The following GOLM2 variants were observed in gnomAD, a reference collection of about 807,000 sequenced individuals.
GOLM2 encodes protein GOLM2.
GOLM2 carries 26 observed loss-of-function variants against 55.9 expected under a neutral mutation model. The ratio of observed to expected loss-of-function variants is 0.47; its 90% CI spans 0.34 to 0.65. The LOEUF (loss-of-function observed/expected upper bound fraction) is 0.65, where lower values mean the gene tolerates loss of function less well. Among genes scored for constraint, GOLM2 ranks in the 30% least tolerant of loss-of-function variants. The pLI is 0.01. For synonymous variants in GOLM2, 165 were observed against 194.6 expected (o/e 0.85, Z 1.27); for missense variants, 486 against 531.8 (o/e 0.91, Z 0.85).
chr15:44,334,970 G>T (rs1040105952), intron 4 of GOLM2, among the ~76,000 whole-genome samples: 1 of 152,186 alleles, frequency 6.6e-6, no homozygotes, highest in Admixed American at 6.5e-5. Flanking sequence ...TATGGGGGTT[G>T]CAGTGAGCCA....
At chr15:44,335,345 A>T (rs2079049626) in intron 4 of GOLM2, among the ~76,000 whole-genome samples, 1 of 152,196 alleles carries the variant, frequency 6.6e-6, no homozygotes, top group Non-Finnish European at 1.5e-5. Context: ...CACAAACATT[A>T]CATCTAGAAA....
At chr15:44,342,241 TG>T (rs1454563569) in intron 6 of GOLM2, among the ~76,000 whole-genome samples, 4 of 151,552 alleles carry the variant, frequency 2.6e-5, no homozygotes, top group Non-Finnish European at 4.4e-5. Flanking sequence ...TCCTCTGGAT[TG>T]TTTTTTTTTT....
At position 44,414,876 on chromosome 15, in the gene GOLM2, G is replaced by A. The variant is rs747735133; in HGVS notation, c.*1470G>A. 6.6e-6 allele frequency: 1 copy of A among 152,600 alleles called. No homozygotes were observed. Among genetic ancestry groups the A allele is most frequent in the Non-Finnish European group, 1.5e-5 (1 of 68,038 alleles). The allele number at this position is 152,600 out of a possible 1,614,324, so 9.5% of individuals were successfully genotyped here. On this transcript the variant is annotated 3_prime_UTR_variant, in exon 10 of 10. Transcript: ENST00000299957. ...TTTTTGACACTATTCAGTGGAATGT[G>A]TAAGCTAGCTAATTCTTGTTTTCTG...
chr15:44,382,616 T>A (rs1006216029), intron 8 of GOLM2, among the ~76,000 whole-genome samples: 7 of 152,172 alleles, frequency 4.6e-5, no homozygotes, highest in Non-Finnish European at 8.8e-5. Flanking sequence ...CATGAACTAC[T>A]GCTCCCGGCC....
At chr15:44,380,389 C>CT (rs1469693031) in intron 7 of GOLM2, among the ~76,000 whole-genome samples, 2 of 152,082 alleles carry the variant, frequency 1.3e-5, no homozygotes, top group African/African-American at 4.8e-5. Flanking sequence ...AGAGTCAACA[C>CT]TTGTGAGTCA....
At chr15:44,411,373 C>T (rs1021299126) in intron 9 of GOLM2, among the ~76,000 whole-genome samples, 7 of 151,928 alleles carry the variant, frequency 4.6e-5, no homozygotes, top group Non-Finnish European at 1.0e-4. Context: ...ACCTCTCATA[C>T]CTAAAGTAAT....
intron 8 of GOLM2, among the ~76,000 whole-genome samples, chr15:44,393,800 T>A (rs970143349): frequency 6.6e-6 from 1 of 152,080 alleles, no homozygotes; most frequent in Non-Finnish European, 1.5e-5. Context: ...CAAATGATTC[T>A]CCTCCCTCAG....
intron 9 of GOLM2, chr15:44,409,640 G>A (rs1327071371): frequency 7.6e-6 from 1 of 131,848 alleles, no homozygotes; most frequent in African/African-American, 2.8e-5. Context: ...TGGGCGCTGT[G>A]CCTCACGCCT....
intron 8 of GOLM2, among the ~76,000 whole-genome samples, chr15:44,381,900 G>A (rs564223973): frequency 2.0e-5 from 3 of 152,132 alleles, no homozygotes; most frequent in Admixed American, 6.6e-5. Context: ...TGATCCTCCC[G>A]CCTTAGCCTC....
rs928733091 is a variant in GOLM2, at chr15:44,322,883, T to A, written c.328-82T>A. On this transcript the variant is annotated intron_variant, in intron 1 of 9. Coordinates refer to ENST00000299957, the MANE Select transcript of GOLM2 (RefSeq NM_138423.4). The stretch of plus-strand genomic sequence containing the variant: ...CAGAGTTTTTTGTTTGCATTTATGA[T>A]CAAGCTCAAAGTGAATATGAACCAA... 3 of 902,250 alleles carry A rather than the reference T, an allele frequency of 3.3e-6. No individual in the cohort carries two copies. The South Asian group carries it at 5.1e-5, about 15-fold the overall frequency. 55.9% of individuals were successfully genotyped at this position (902,250 alleles called of 1,614,324 possible).
At chr15:44,334,214 C>G (rs187113081) in intron 4 of GOLM2, among the ~76,000 whole-genome samples, 11 of 152,272 alleles carry the variant, frequency 7.2e-5, no homozygotes, top group Non-Finnish European at 1.3e-4. Flanking sequence ...AGAACTTCTC[C>G]TTTCTGGGTA....
At chr15:44,410,732 C>CA (rs35065961) in intron 9 of GOLM2, among the ~76,000 whole-genome samples, 2,908 of 96,064 alleles carry the variant, frequency 0.03, 32 homozygotes, top group Middle Eastern at 0.06. Context: ...CCTGTCTCTA[C>CA]AAAAAAAAAA....
chr15:44,396,267 A>T (rs1296333231), intron 8 of GOLM2, among the ~76,000 whole-genome samples: 2 of 152,162 alleles, frequency 1.3e-5, no homozygotes, highest in Non-Finnish European at 2.9e-5. Context: ...CTGAGGCAGA[A>T]GAATCACTTG....
chr15:44,388,789 T>C (rs1466740678), intron 8 of GOLM2, among the ~76,000 whole-genome samples: 1 of 152,052 alleles, frequency 6.6e-6, no homozygotes, highest in Non-Finnish European at 1.5e-5. Context: ...CTGGGATTTA[T>C]AGGCATGCAT....
At chr15:44,411,828 CAAAA>C (rs60534778) in intron 9 of GOLM2, among the ~76,000 whole-genome samples, 1 of 68,342 alleles carries the variant, frequency 1.5e-5, no homozygotes. Context: ...GACTGCATCT[CAAAA>C]AAAAAAAAAA....
At chr15:44,408,420 T>A (rs528908252) in intron 9 of GOLM2, among the ~76,000 whole-genome samples, 1 of 152,316 alleles carries the variant, frequency 6.6e-6, no homozygotes, top group South Asian at 2.1e-4. Context: ...GATACCATAT[T>A]AAAACTTTGC....
chr15:44,297,631 G>C (rs1177844116), intron 1 of GOLM2, among the ~76,000 whole-genome samples: 1 of 150,054 alleles, frequency 6.7e-6, no homozygotes, highest in Non-Finnish European at 1.5e-5. Flanking sequence ...GTGTGATCTT[G>C]GCTCACTGCA....
chr15:44,323,249 C>T (rs1376683293), intron 2 of GOLM2, among the ~76,000 whole-genome samples: 1 of 151,892 alleles, frequency 6.6e-6, no homozygotes, highest in African/African-American at 2.4e-5. Flanking sequence ...CCTTGAGCTA[C>T]AGACAGGGTT....
intron 6 of GOLM2, among the ~76,000 whole-genome samples, chr15:44,353,411 C>T (rs1183255549): frequency 6.6e-6 from 1 of 152,102 alleles, no homozygotes; most frequent in Non-Finnish European, 1.5e-5. Flanking sequence ...AAGGATATGA[C>T]CTGGCATTCA....
Sources: gnomAD v4.1 joint callset for allele counts (sites outside exome capture counted in the v4.1 genomes callset) on GRCh38, gnomAD v4.1.1 for gene constraint, MANE v1.5 for transcripts, NCBI Gene and HGNC (gene_info 2026-07-23, HGNC 2026-07-21) for gene names.